The following UNC5D variants were observed in gnomAD, a reference collection of about 807,000 sequenced individuals.
The protein encoded by UNC5D is unc-5 netrin receptor D.
A neutral mutation model predicts 105.4 loss-of-function variants in UNC5D; 39 were observed. The observed-to-expected ratio is 0.37, with a 90% CI of 0.29 to 0.48. The LOEUF is 0.48. UNC5D is among the 20% of genes least tolerant of loss of function. The pLI is 0.98. For missense variants in UNC5D, 991 were observed against 1,202.4 expected (o/e 0.82, Z 2.60); for synonymous variants, 452 against 450.4 (o/e 1.00, Z -0.04).
intron 4 of UNC5D, among the ~76,000 whole-genome samples, chr8:35,675,174 T>C (rs953076083): frequency 5.9e-5 from 9 of 152,322 alleles, no homozygotes; most frequent in African/African-American, 1.7e-4. Flanking sequence ...AACAGCTCTC[T>C]CAGCAGTCTT....
Position 35,657,106 on chromosome 8 carries a change from A to G in UNC5D, c.571-26441A>G, listed in dbSNP as rs1228481077. Reference sequence around the variant, plus strand: ...TATATATATATATATATATATATATATATATATATATATATATGCCAGTTG... The same window carrying G: ...TATATATATATATATATATATATATGTATATATATATATATATGCCAGTTG... On this transcript the variant is annotated intron_variant, in intron 4 of 16. Coordinates refer to ENST00000404895, the MANE Select transcript of UNC5D (RefSeq NM_080872.4). Among the ~76,000 whole-genome samples, 58 of 117,598 alleles carry G rather than the reference A, an allele frequency of 4.9e-4. 1 individual carries two copies. The highest frequency in any genetic ancestry group is 2.1e-3 in the Admixed American group (25 of 11,742). The allele number at this position is 117,598 out of a possible 152,430, so 77.1% of individuals were successfully genotyped here.
intron 1 of UNC5D, among the ~76,000 whole-genome samples, chr8:35,498,344 A>G (rs1260768309): frequency 6.6e-6 from 1 of 152,046 alleles, no homozygotes; most frequent in Non-Finnish European, 1.5e-5. Context: ...CCCAGTGAAA[A>G]GATGCAAAAC....
Position 35,766,884 on chromosome 8 carries a change from T to C in UNC5D, c.2314-18T>C. ...GCCAGGCTCTGCACACCATCCCTTCTCTCCGTCTCCCCTGCAGGAAGTCCC... is the reference window on the plus strand; with the variant it reads ...GCCAGGCTCTGCACACCATCCCTTCCCTCCGTCTCCCCTGCAGGAAGTCCC... On this transcript the variant is annotated intron_variant, in intron 14 of 16. Coordinates refer to ENST00000404895, the MANE Select transcript of UNC5D (RefSeq NM_080872.4). The C allele has an allele frequency of 6.2e-7, 1 of 1,603,646 alleles. No individual in the cohort carries two copies. The highest frequency in any genetic ancestry group is 8.5e-7 in the Non-Finnish European group (1 of 1,173,818).
At chr8:35,383,242 T>C (rs1803151431) in intron 1 of UNC5D, among the ~76,000 whole-genome samples, 1 of 152,144 alleles carries the variant, frequency 6.6e-6, no homozygotes, top group Admixed American at 6.5e-5. Flanking sequence ...CATGCCTTTT[T>C]ATTTCAGGGC....
intron 1 of UNC5D, among the ~76,000 whole-genome samples, chr8:35,262,703 G>A (rs1554862): frequency 0.81 from 122,918 of 152,058 alleles, 50,318 homozygotes; most frequent in East Asian, 1. Flanking sequence ...TTTCCAGGGA[G>A]GTTTCTTCTT....
intron 4 of UNC5D, among the ~76,000 whole-genome samples, chr8:35,676,679 T>C (rs1245552824): frequency 6.6e-6 from 1 of 152,238 alleles, no homozygotes; most frequent in Non-Finnish European, 1.5e-5. Flanking sequence ...TCAAAAGTTA[T>C]GTGCTTGCCA....
At chr8:35,556,396 C>A (rs992334588) in intron 2 of UNC5D, among the ~76,000 whole-genome samples, 1 of 152,092 alleles carries the variant, frequency 6.6e-6, no homozygotes, top group African/African-American at 2.4e-5. Context: ...TCTATGTTAC[C>A]CTCAGAGTCC....
At chr8:35,571,371 A>C (rs775947383) in intron 3 of UNC5D, among the ~76,000 whole-genome samples, 13 of 152,266 alleles carry the variant, frequency 8.5e-5, no homozygotes, top group South Asian at 2.1e-4. Flanking sequence ...TAATATTTGC[A>C]ACACATACTT....
intron 1 of UNC5D, among the ~76,000 whole-genome samples, chr8:35,370,950 A>G (rs1203921066): frequency 6.6e-6 from 1 of 152,240 alleles, no homozygotes; most frequent in African/African-American, 2.4e-5. Context: ...AAAGCTGGGT[A>G]TGGTGGCTTA....
intron 1 of UNC5D, among the ~76,000 whole-genome samples, chr8:35,332,994 T>C (rs563304808): frequency 6.6e-6 from 1 of 152,312 alleles, no homozygotes; most frequent in South Asian, 2.1e-4. Context: ...GTCTCAGATC[T>C]CTGCCCTTAT....
In UNC5D at chr8:35,393,125, C is replaced by CTTTT. The variant is rs34886215; in HGVS notation, c.104-156143_104-156140dup. 6.9e-4 allele frequency among the ~76,000 whole-genome samples: 52 copies of CTTTT among 75,096 alleles called. 5 individuals carry two copies. The highest frequency in any genetic ancestry group is 1.0e-3 in the African/African-American group (21 of 20,878). The allele number at this position is 75,096 out of a possible 152,430, so 49.3% of individuals were successfully genotyped here. ...CTAAATATCTAAATACCTATTCCTACTTTTTTTTTTTTTTTTTTTTTTTTT... is the reference window on the plus strand; with the variant it reads ...CTAAATATCTAAATACCTATTCCTACTTTTTTTTTTTTTTTTTTTTTTTTTTTTT... On this transcript the variant is annotated intron_variant, in intron 1 of 16. Coordinates refer to ENST00000404895, the MANE Select transcript of UNC5D (RefSeq NM_080872.4).
intron 4 of UNC5D, among the ~76,000 whole-genome samples, chr8:35,634,765 T>C (rs1194210074): frequency 6.6e-6 from 1 of 151,898 alleles, no homozygotes; most frequent in African/African-American, 2.4e-5. Context: ...TTCTTTTTTT[T>C]TTTTCTTTCC....
chr8:35,504,027 A>AT lies in UNC5D; in HGVS notation c.104-45263dup, dbSNP rs1400769246. Among the ~76,000 whole-genome samples, 4 of 152,198 alleles carry AT rather than the reference A, an allele frequency of 2.6e-5. 1 individual carries two copies. Among genetic ancestry groups the AT allele is most frequent in the African/African-American group, 9.7e-5 (4 of 41,428 alleles). On this transcript the variant is annotated intron_variant, in intron 1 of 16. Transcript: ENST00000404895. The stretch of plus-strand genomic sequence containing the variant: ...TGGTTGCCAGGTTTGGCTGACCTTA[A>AT]TTAACTATAGGCCTGGAAGGGTGGG...
At chr8:35,436,266 A>T (rs1175005369) in intron 1 of UNC5D, among the ~76,000 whole-genome samples, 1 of 152,072 alleles carries the variant, frequency 6.6e-6, no homozygotes, top group Non-Finnish European at 1.5e-5. Flanking sequence ...TCTATAAGTG[A>T]GACTGTTGAA....
chr8:35,535,717 C>T (rs113311502), intron 1 of UNC5D, among the ~76,000 whole-genome samples: 1,647 of 152,170 alleles, frequency 0.011, 37 homozygotes, highest in African/African-American at 0.038. Context: ...GTTTCTCCCT[C>T]ACAGACAAAA....
intron 1 of UNC5D, among the ~76,000 whole-genome samples, chr8:35,316,855 G>T (rs1563307673): frequency 6.6e-6 from 1 of 151,996 alleles, no homozygotes. Flanking sequence ...CTGTCCGATG[G>T]GTTAGCAATA....
At position 35,458,240 on chromosome 8, in the gene UNC5D, T is replaced by C. The variant is rs1200927318; in HGVS notation, c.104-91052T>C. Among the ~76,000 whole-genome samples the C allele has an allele frequency of 3.3e-5, 5 of 152,104 alleles. No individual in the cohort carries two copies. In the East Asian group the frequency reaches 7.7e-4, roughly 24 times the overall value. On this transcript the variant is annotated intron_variant, in intron 1 of 16. Coordinates refer to ENST00000404895, the MANE Select transcript of UNC5D (RefSeq NM_080872.4). ...CACTTCCCTCATAGGCAGACTGTTT[T>C]CTGGCACAGAAATGCCTCCCAGTAC...
Position 35,575,184 on chromosome 8 carries a change from G to A in UNC5D, c.466+6943G>A, listed in dbSNP as rs1251139675. ...ATTTTGAAGGTATTTGTGGATTTAT[G>A]TCCCTAGTTAGATCGTAAACTGCTT... is the stretch of plus-strand genomic sequence containing the variant. On this transcript the variant is annotated intron_variant, in intron 3 of 16. Transcript: ENST00000404895. Among the ~76,000 whole-genome samples, 4 of 151,964 alleles carry A rather than the reference G, an allele frequency of 2.6e-5. 1 individual carries two copies. In the East Asian group the frequency reaches 7.7e-4, roughly 29 times the overall value.
intron 9 of UNC5D, among the ~76,000 whole-genome samples, chr8:35,722,934 G>T (rs1009778671): frequency 1.3e-5 from 2 of 152,140 alleles, no homozygotes; most frequent in African/African-American, 4.8e-5. Flanking sequence ...CTGTTGCCAA[G>T]TCCAAGCAAT....
Sources: allele counts gnomAD v4.1 joint callset (sites outside exome capture counted in the v4.1 genomes callset), GRCh38; gene constraint gnomAD v4.1.1; transcripts MANE v1.5; gene names NCBI Gene and HGNC (gene_info 2026-07-23, HGNC 2026-07-21).